The following PCCA variants were observed in gnomAD, a reference collection of about 807,000 sequenced individuals.
The protein encoded by PCCA is propionyl-CoA carboxylase alpha chain, mitochondrial.
In PCCA, 74 loss-of-function variants were observed where a neutral mutation model predicts 101.3. That is an observed-to-expected ratio of 0.73 (90% CI 0.61 to 0.89). The LOEUF is 0.89. Ranked by LOEUF, PCCA falls within the 40% of genes least tolerant of loss-of-function variation. PCCA has a pLI of 0.00. For missense variants in PCCA, 891 were observed against 907.0 expected, an observed-to-expected ratio of 0.98 and a Z score of 0.23; for synonymous variants, 294 against 313.6, an observed-to-expected ratio of 0.94 and a Z score of 0.66.
At chr13:100,444,999 C>G (rs117171232) in intron 20 of PCCA, among the ~76,000 whole-genome samples, 21 of 152,044 alleles carry the variant, frequency 1.4e-4, no homozygotes, top group African/African-American at 4.8e-5. Flanking sequence ...GTTTATTTGG[C>G]TCGTGATTCT....
intron 21 of PCCA, among the ~76,000 whole-genome samples, chr13:100,452,002 T>TCTCCTCTCCCTCTCTCC (rs2081338335): frequency 3.1e-5 from 4 of 130,160 alleles, no homozygotes; most frequent in South Asian, 2.5e-4. Context: ...TCCCTCTCTC[T>TCTCCTCTCCCTCTCTCC]CTCCTCTCCC....
chr13:100,397,787 G>C (rs1296418746), intron 19 of PCCA, among the ~76,000 whole-genome samples: 1 of 152,122 alleles, frequency 6.6e-6, no homozygotes, highest in African/African-American at 2.4e-5. Flanking sequence ...TAAAAACTGT[G>C]TTTGGCTGTG....
chr13:100,273,686 C>T (rs1242318729), intron 12 of PCCA, among the ~76,000 whole-genome samples: 2 of 152,182 alleles, frequency 1.3e-5, no homozygotes, highest in East Asian at 3.9e-4. Flanking sequence ...ACAGTGATTG[C>T]AAAATCTTTG....
intron 21 of PCCA, among the ~76,000 whole-genome samples, chr13:100,504,161 AT>A (rs1003970893): frequency 2.0e-5 from 3 of 152,216 alleles, no homozygotes; most frequent in Non-Finnish European, 1.5e-5. Flanking sequence ...GAGCTGTCAA[AT>A]TTCACTTGCT....
At chr13:100,142,199 T>C (rs985031299) in intron 4 of PCCA, among the ~76,000 whole-genome samples, 4 of 152,138 alleles carry the variant, frequency 2.6e-5, no homozygotes, top group Non-Finnish European at 4.4e-5. Flanking sequence ...TGAATTTATT[T>C]ATTTACTCTT....
intron 19 of PCCA, among the ~76,000 whole-genome samples, chr13:100,402,416 TTATAAA>T (rs982175422): frequency 2.8e-4 from 42 of 152,270 alleles, no homozygotes; most frequent in African/African-American, 1.0e-3. Context: ...AATCCTATAA[TTATAAA>T]TATAAGTTAG....
At chr13:100,132,468 A>G (rs1236023917) in intron 4 of PCCA, among the ~76,000 whole-genome samples, 1 of 152,232 alleles carries the variant, frequency 6.6e-6, no homozygotes, top group Non-Finnish European at 1.5e-5. Flanking sequence ...TGATTCATCC[A>G]AACTGTTGTG....
At chr13:100,346,042 A>G (rs560448439) in intron 18 of PCCA, among the ~76,000 whole-genome samples, 11 of 152,222 alleles carry the variant, frequency 7.2e-5, no homozygotes, top group Non-Finnish European at 1.6e-4. Context: ...TGGTCACCCA[A>G]GAGCTCTGAT....
chr13:100,269,640 G>T (rs952180664), intron 11 of PCCA, among the ~76,000 whole-genome samples: 1 of 152,120 alleles, frequency 6.6e-6, no homozygotes, highest in Non-Finnish European at 1.5e-5. Context: ...AAAATCCTCA[G>T]GTGAGTGTTC....
chr13:100,521,050 G>T (rs1456419439), intron 22 of PCCA, among the ~76,000 whole-genome samples: 1 of 152,178 alleles, frequency 6.6e-6, no homozygotes, highest in Non-Finnish European at 1.5e-5. Flanking sequence ...GAGGGTCCAG[G>T]CTAATTTCCA....
chr13:100,438,285 G>A (rs1010819139), intron 20 of PCCA, among the ~76,000 whole-genome samples: 2 of 151,910 alleles, frequency 1.3e-5, no homozygotes, highest in Non-Finnish European at 2.9e-5. Context: ...CTTCTGAGTA[G>A]GTGGGACTGC....
intron 8 of PCCA, among the ~76,000 whole-genome samples, chr13:100,254,031 C>G (rs908310537): frequency 7.2e-5 from 11 of 152,020 alleles, no homozygotes; most frequent in Non-Finnish European, 1.5e-4. Flanking sequence ...CTCACAGTTA[C>G]ACATGGCTGG....
chr13:100,373,752 T>C (rs543477294), intron 19 of PCCA, among the ~76,000 whole-genome samples: 37 of 152,304 alleles, frequency 2.4e-4, no homozygotes, highest in African/African-American at 8.9e-4. Flanking sequence ...ATGGTAAATT[T>C]TATACGCGTT....
At chr13:100,182,797 C>T (rs2056919341) in intron 6 of PCCA, among the ~76,000 whole-genome samples, 1 of 152,068 alleles carries the variant, frequency 6.6e-6, no homozygotes, top group Admixed American at 6.6e-5. Flanking sequence ...GTCCCCATGC[C>T]CCATTCCTAG....
chr13:100,386,293 T>C (rs961091618), intron 19 of PCCA, among the ~76,000 whole-genome samples: 2 of 152,250 alleles, frequency 1.3e-5, no homozygotes, highest in African/African-American at 4.8e-5. Flanking sequence ...CCTGTCAGAC[T>C]GGAATAGTTA....
At chr13:100,490,922 C>G (rs1179606317) in intron 21 of PCCA, 1 of 152,266 alleles carries the variant, frequency 6.6e-6, no homozygotes, top group African/African-American at 2.4e-5. Flanking sequence ...CCTCTTACCC[C>G]CTCCAACTTC....
chr13:100,425,487 C>G, intron 19 of PCCA, 146 bp from the exon 20 acceptor site: 1 of 707,160 alleles, frequency 1.4e-6, no homozygotes, highest in Non-Finnish European at 2.6e-6. Context: ...TTGTTGGACC[C>G]TGTCTTTCTT....
chr13:100,374,042 A>G (rs2075748415), intron 19 of PCCA, among the ~76,000 whole-genome samples: 3 of 152,108 alleles, frequency 2.0e-5, no homozygotes, highest in Middle Eastern at 6.8e-3. Context: ...AACACAGGAG[A>G]TGGAGGTTGC....
intron 6 of PCCA, among the ~76,000 whole-genome samples, chr13:100,186,830 A>C (rs1278879714): frequency 6.6e-6 from 1 of 152,134 alleles, no homozygotes; most frequent in East Asian, 1.9e-4. Context: ...TGTATCACCT[A>C]GTAACTATAT....
Sources: gnomAD v4.1 joint callset for allele counts (sites outside exome capture counted in the v4.1 genomes callset) on GRCh38, gnomAD v4.1.1 for gene constraint, MANE v1.5 for transcripts, NCBI Gene and HGNC (gene_info 2026-07-23, HGNC 2026-07-21) for gene names.